HADHB: variants seen among roughly 807,000 people sequenced by gnomAD.
HADHB encodes trifunctional enzyme subunit beta, mitochondrial.
A neutral mutation model predicts 61.9 loss-of-function variants in HADHB; 50 were observed. The observed-to-expected ratio is 0.81, with a 90% confidence interval of 0.64 to 1.02. The LOEUF (loss-of-function observed/expected upper bound fraction) is 1.02. Ranked by LOEUF, HADHB falls within the 50% of genes least tolerant of loss-of-function variation. The probability of loss-of-function intolerance (pLI) is 0.00; values close to 1 mark genes in which losing one functional copy is unlikely to be tolerated. For missense variants in HADHB, 504 were observed against 586.5 expected, an observed-to-expected ratio of 0.86 and a Z score of 1.45; for synonymous variants, 191 against 201.6, an observed-to-expected ratio of 0.95 and a Z score of 0.45.
rs1438000409 is a variant in HADHB at position 26,267,997 on chromosome 2, C to G, written c.210-1956C>G. On this transcript the variant is annotated intron_variant, in intron 4 of 15. Coordinates refer to ENST00000317799, the MANE Select transcript of HADHB (RefSeq NM_000183.3). Reference sequence around the variant, plus strand: ...GCAAAAACTAAAAATGAAAAATTAGCTGGGTGTGGTAGCAGACACCGGTAG... The same window carrying G: ...GCAAAAACTAAAAATGAAAAATTAGGTGGGTGTGGTAGCAGACACCGGTAG... Among the ~76,000 whole-genome samples, 4 of 151,878 alleles carry G rather than the reference C, an allele frequency of 2.6e-5. 1 individual carries two copies. Among genetic ancestry groups the G allele is most frequent in the Admixed American group, 2.6e-4 (4 of 15,232 alleles).
chr2:26,256,698 A>G (rs1671627002), intron 3 of HADHB, among the ~76,000 whole-genome samples: 1 of 152,200 alleles, frequency 6.6e-6, no homozygotes, highest in Non-Finnish European at 1.5e-5. Context: ...CATCTAGTTC[A>G]GCTCTAATAT....
intron 1 of HADHB, among the ~76,000 whole-genome samples, chr2:26,253,971 A>G (rs1448530234): frequency 1.3e-5 from 2 of 152,076 alleles, no homozygotes; most frequent in African/African-American, 4.8e-5. Flanking sequence ...CTATGCCTCA[A>G]TTTCCTTATC....
intron 1 of HADHB, among the ~76,000 whole-genome samples, chr2:26,247,569 G>A (rs1227853879): frequency 1.3e-5 from 2 of 151,948 alleles, no homozygotes; most frequent in Non-Finnish European, 2.9e-5. Flanking sequence ...ATGTACAGTC[G>A]GCCCTTGGTA....
In HADHB at chr2:26,279,133, A is replaced by C. The variant is rs1574663316; in HGVS notation, c.631-2A>C. ...CTGCTCCTTGGATATCTCCTTTCCCAGCTCCCTGCGGTTTCTGAGTTCTCC... is the reference window on the plus strand; with the variant it reads ...CTGCTCCTTGGATATCTCCTTTCCCCGCTCCCTGCGGTTTCTGAGTTCTCC... On this transcript the variant is annotated splice_acceptor_variant, in intron 8 of 15. Transcript: ENST00000317799. LOFTEE classifies it high-confidence loss of function. 1 of 1,612,556 alleles carries C rather than the reference A, an allele frequency of 6.2e-7. No homozygotes were observed. The highest frequency in any genetic ancestry group is 8.5e-7 in the Non-Finnish European group (1 of 1,178,586).
At chr2:26,283,178 A>G in intron 12 of HADHB, 127 bp downstream of exon 12, 1 of 753,634 alleles carries the variant, frequency 1.3e-6, no homozygotes, top group Non-Finnish European at 2.4e-6. Flanking sequence ...GTTTGAGAGT[A>G]TATTAAGCCC....
intron 6 of HADHB, among the ~76,000 whole-genome samples, chr2:26,275,037 T>G (rs1672489485): frequency 6.6e-6 from 1 of 152,198 alleles, no homozygotes; most frequent in African/African-American, 2.4e-5. Context: ...GTAGATTCCC[T>G]CTGCCTGCCC....
intron 3 of HADHB, chr2:26,261,377 A>ACGGCGACCACCGAG: frequency 7.3e-5 from 16 of 218,426 alleles, no homozygotes; most frequent in South Asian, 1.2e-4. Flanking sequence ...ATGACTTTCT[A>ACGGCGACCACCGAG]ATCTACACTC....
chr2:26,254,190 T>C (rs1052695671), intron 1 of HADHB, 57 bp from the exon 2 acceptor site: 3 of 838,102 alleles, frequency 3.6e-6, no homozygotes, highest in African/African-American at 3.3e-5. Context: ...TAGACTACAA[T>C]GTAAACTACA....
In HADHB at chr2:26,279,169, C is replaced by A; in HGVS notation, c.665C>A (p.Thr222Asn). 1 of 1,614,004 alleles carries A rather than the reference C, an allele frequency of 6.2e-7. No homozygotes were observed. Among genetic ancestry groups the A allele is most frequent in the Non-Finnish European group, 8.5e-7 (1 of 1,179,894 alleles). Residue 222 changes from threonine (T) to asparagine (N), a missense_variant, in exon 9 of 16, where the codon ACC becomes AAC. Thr to Asn is a moderately conservative substitution (Grantham distance 65). Transcript: ENST00000317799. ...GTTTCTGAGTTCTCCACCAGTGAGA[C>A]CATGGGCCACTCTGCAGACCGACTG... ...PAVSEFSTSE[T>N]MGHSADRLAA... is the part of the protein sequence containing the mutation.
At chr2:26,264,499 G>T (rs1292620126) in intron 4 of HADHB, among the ~76,000 whole-genome samples, 1 of 137,790 alleles carries the variant, frequency 7.3e-6, no homozygotes, top group Non-Finnish European at 1.5e-5. Flanking sequence ...GCAGTGAGCC[G>T]TGATCATGCT....
At chr2:26,271,955 T>G (rs1220586861) in intron 5 of HADHB, among the ~76,000 whole-genome samples, 1 of 152,200 alleles carries the variant, frequency 6.6e-6, no homozygotes, top group Non-Finnish European at 1.5e-5. Context: ...GGAGTCTCAC[T>G]CTGTCCAAGG....
At chr2:26,261,317 T>C (rs1007926831) in intron 3 of HADHB, 2 of 402,062 alleles carry the variant, frequency 5.0e-6, no homozygotes, top group Non-Finnish European at 9.0e-6. Flanking sequence ...AGAACAGGCA[T>C]TGCAGAATAC....
intron 3 of HADHB, chr2:26,254,691 C>T (rs1321887281): frequency 1.9e-6 from 1 of 513,308 alleles, no homozygotes; most frequent in Non-Finnish European, 3.5e-6. Context: ...TAATGGGAGG[C>T]TGTTTTCTGG....
intron 4 of HADHB, 91 bp from the exon 5 acceptor site, chr2:26,269,862 G>A: frequency 1.2e-6 from 1 of 842,296 alleles, no homozygotes; most frequent in Non-Finnish European, 2.1e-6. Context: ...AGCAGCATGT[G>A]TTTGATGATC....
intron 3 of HADHB, among the ~76,000 whole-genome samples, chr2:26,257,941 C>T (rs951128458): frequency 5.3e-5 from 8 of 152,056 alleles, no homozygotes; most frequent in African/African-American, 1.9e-4. Context: ...ATGGTGTGAA[C>T]CCTGGAGGCA....
chr2:26,287,890 A>G (rs1269099344), intron 15 of HADHB, among the ~76,000 whole-genome samples: 2 of 152,230 alleles, frequency 1.3e-5, no homozygotes, highest in East Asian at 1.9e-4. Flanking sequence ...CACGGTTGGT[A>G]TAACCAAAAG....
intron 4 of HADHB, among the ~76,000 whole-genome samples, chr2:26,265,597 A>AAACAACAAC (rs58410284): frequency 0.16 from 24,426 of 151,642 alleles, 2,373 homozygotes; most frequent in Middle Eastern, 0.24. Context: ...CTCCATCTCA[A>AAACAACAAC]AACAACAACA....
rs200077244 is a variant in HADHB, at chr2:26,254,400, T to A, written c.65-30T>A. 1.1e-5 allele frequency: 18 copies of A among 1,582,072 alleles called. No homozygotes were observed. In the African/African-American group the frequency reaches 1.9e-4, roughly 17 times the overall value. ...TCGCACAGATACTGAATGGTATTGCTTTTTGTAAACAGTTTATTTTGTCTT... is the reference window on the plus strand; with the variant it reads ...TCGCACAGATACTGAATGGTATTGCATTTTGTAAACAGTTTATTTTGTCTT... On this transcript the variant is annotated intron_variant, in intron 2 of 15. Transcript: ENST00000317799.
chr2:26,279,130 C>T lies in HADHB; in HGVS notation c.631-5C>T. 1 of 1,611,776 alleles carries T rather than the reference C, an allele frequency of 6.2e-7. No individual in the cohort carries two copies. Among genetic ancestry groups the T allele is most frequent in the Non-Finnish European group, 8.5e-7 (1 of 1,177,878 alleles). ...TACCTGCTCCTTGGATATCTCCTTT[C>T]CCAGCTCCCTGCGGTTTCTGAGTTC... On this transcript the variant is annotated splice_region_variant and splice_polypyrimidine_tract_variant and intron_variant, in intron 8 of 15. Transcript: ENST00000317799.
Sources: allele counts gnomAD v4.1 joint callset (sites outside exome capture counted in the v4.1 genomes callset), GRCh38; gene constraint gnomAD v4.1.1; transcripts MANE v1.5; gene names NCBI Gene and HGNC (gene_info 2026-07-23, HGNC 2026-07-21).